TRPM3: variants seen among roughly 807,000 people sequenced by gnomAD.
TRPM3 encodes transient receptor potential cation channel subfamily M member 3.
In TRPM3, 77 loss-of-function variants were observed where a neutral mutation model predicts 181.2. The observed-to-expected ratio is 0.42, with a 90% CI of 0.35 to 0.51. The LOEUF is 0.51. Ranked by LOEUF, TRPM3 falls within the 20% of genes least tolerant of loss-of-function variation. TRPM3 has a pLI of 0.01. For missense variants in TRPM3, 1,759 were observed against 2,196.7 expected (o/e 0.80, Z 3.98); for synonymous variants, 745 against 796.4 (o/e 0.94, Z 1.09).
At chr9:71,140,557 T>G (rs2075036605) in intron 1 of TRPM3, among the ~76,000 whole-genome samples, 1 of 152,214 alleles carries the variant, frequency 6.6e-6, no homozygotes, top group South Asian at 2.1e-4. Context: ...GAATAATGTT[T>G]GAAAATATTT....
chr9:70,806,646 T>TG (rs2090755038), intron 6 of TRPM3, among the ~76,000 whole-genome samples: 1 of 151,746 alleles, frequency 6.6e-6, no homozygotes, highest in Non-Finnish European at 1.5e-5. Flanking sequence ...GCTGAGATCA[T>TG]GCCACTGCAC....
intron 1 of TRPM3, among the ~76,000 whole-genome samples, chr9:71,176,857 C>T (rs1376645246): frequency 6.6e-6 from 1 of 152,142 alleles, no homozygotes; most frequent in Non-Finnish European, 1.5e-5. Context: ...GTACCCAGTA[C>T]TGTAACATGC....
chr9:71,343,727 C>T (rs888966758), intron 1 of TRPM3, among the ~76,000 whole-genome samples: 4 of 152,126 alleles, frequency 2.6e-5, no homozygotes, highest in Non-Finnish European at 4.4e-5. Flanking sequence ...AACCCAAATA[C>T]TGGTTTCTAA....
chr9:71,258,646 T>C (rs549249306), intron 1 of TRPM3, among the ~76,000 whole-genome samples: 3 of 152,352 alleles, frequency 2.0e-5, no homozygotes, highest in Admixed American at 2.0e-4. Flanking sequence ...ATACATTAAA[T>C]TCATATGTTC....
intron 6 of TRPM3, among the ~76,000 whole-genome samples, chr9:70,823,407 C>T (rs913078820): frequency 6.6e-6 from 1 of 152,060 alleles, no homozygotes; most frequent in East Asian, 1.9e-4. Flanking sequence ...AGCTTTCCCC[C>T]GCTCCTCACT....
chr9:70,878,049 G>T (rs1419906889), intron 1 of TRPM3, among the ~76,000 whole-genome samples: 1 of 151,874 alleles, frequency 6.6e-6, no homozygotes, highest in Non-Finnish European at 1.5e-5. Flanking sequence ...ATACTGACTT[G>T]ACTTGAGGCC....
chr9:71,291,293 A>G (rs2085789113), intron 1 of TRPM3, among the ~76,000 whole-genome samples: 1 of 152,152 alleles, frequency 6.6e-6, no homozygotes, highest in African/African-American at 2.4e-5. Context: ...GAGCCAGCAT[A>G]ACAAGGAAGT....
At chr9:70,930,920 A>G (rs991736320) in intron 1 of TRPM3, among the ~76,000 whole-genome samples, 3 of 152,144 alleles carry the variant, frequency 2.0e-5, no homozygotes, top group Non-Finnish European at 2.9e-5. Flanking sequence ...TATCAAATGT[A>G]ATAATCAAGG....
chr9:70,863,179 C>T, intron 2 of TRPM3, 67 bp from the exon 3 acceptor site: 6 of 1,375,646 alleles, frequency 4.4e-6, no homozygotes, highest in Non-Finnish European at 6.0e-6. Flanking sequence ...CTTAAGGCAA[C>T]CAGCTGGAGA....
intron 19 of TRPM3, among the ~76,000 whole-genome samples, chr9:70,604,489 T>C (rs1023141996): frequency 2.6e-5 from 4 of 152,168 alleles, no homozygotes; most frequent in Admixed American, 2.6e-4. Flanking sequence ...TCTGCTGCAC[T>C]CTTCAGAGTG....
chr9:70,566,316 G>C (rs184766603), intron 22 of TRPM3, among the ~76,000 whole-genome samples: 4 of 152,124 alleles, frequency 2.6e-5, no homozygotes, highest in Admixed American at 6.5e-5. Flanking sequence ...GTGGCTCTCT[G>C]GGGAAAGGAT....
At chr9:71,034,034 A>G (rs1009625386) in intron 1 of TRPM3, among the ~76,000 whole-genome samples, 2 of 152,236 alleles carry the variant, frequency 1.3e-5, no homozygotes, top group African/African-American at 4.8e-5. Flanking sequence ...GAGAAAACCC[A>G]TGCAGACATG....
chr9:70,764,356 T>C (rs940613728), intron 7 of TRPM3, among the ~76,000 whole-genome samples: 7 of 152,224 alleles, frequency 4.6e-5, no homozygotes, highest in African/African-American at 1.7e-4. Context: ...AGCCACTTGA[T>C]AGATGTAATC....
At chr9:71,333,026 A>G (rs2090319598) in intron 1 of TRPM3, among the ~76,000 whole-genome samples, 3 of 152,052 alleles carry the variant, frequency 2.0e-5, no homozygotes, top group Middle Eastern at 6.8e-3. Context: ...TTCAAGTATA[A>G]TACTTGGACT....
intron 1 of TRPM3, among the ~76,000 whole-genome samples, chr9:71,210,444 G>A (rs955309412): frequency 5.9e-5 from 9 of 152,042 alleles, no homozygotes; most frequent in Non-Finnish European, 1.5e-5. Context: ...CCCACTCCCT[G>A]GTCTGTGGGA....
intron 1 of TRPM3, among the ~76,000 whole-genome samples, chr9:70,878,775 T>C (rs927951359): frequency 1.3e-5 from 2 of 152,046 alleles, no homozygotes; most frequent in Non-Finnish European, 2.9e-5. Context: ...CAGTGCATGG[T>C]CCAGAAGCAT....
intron 1 of TRPM3, among the ~76,000 whole-genome samples, chr9:70,905,915 T>C (rs977807395): frequency 6.6e-6 from 1 of 152,066 alleles, no homozygotes; most frequent in Non-Finnish European, 1.5e-5. Context: ...TTTTTACTTT[T>C]TTTGTAGTGA....
intron 1 of TRPM3, among the ~76,000 whole-genome samples, chr9:71,172,183 T>C (rs2076899103): frequency 6.6e-6 from 1 of 150,976 alleles, no homozygotes; most frequent in Non-Finnish European, 1.5e-5. Context: ...ATTACAGGAA[T>C]GAGCCACTGT....
chr9:71,225,878 A>G (rs1192169933), intron 1 of TRPM3, among the ~76,000 whole-genome samples: 2 of 151,702 alleles, frequency 1.3e-5, no homozygotes, highest in African/African-American at 4.8e-5. Context: ...GCTGCTCTCA[A>G]ACTCCTTACC....
Sources: gnomAD v4.1 joint callset for allele counts (sites outside exome capture counted in the v4.1 genomes callset) on GRCh38, gnomAD v4.1.1 for gene constraint, MANE v1.5 for transcripts, NCBI Gene and HGNC (gene_info 2026-07-23, HGNC 2026-07-21) for gene names.